Variants in KCNG1 observed in about 807,000 individuals in gnomAD.
KCNG1 encodes the protein potassium voltage-gated channel modifier subfamily G member 1, also known as voltage-gated potassium channel regulatory subunit KCNG1.
A neutral mutation model predicts 32.4 loss-of-function variants in KCNG1; 17 were observed. The observed-to-expected ratio is 0.52, with a 90% CI of 0.36 to 0.79. KCNG1 has a LOEUF of 0.79. Ranked by LOEUF, KCNG1 falls within the 30% of genes least tolerant of loss-of-function variation. The pLI, the probability that KCNG1 is intolerant of heterozygous loss-of-function variation, is 0.00. For synonymous variants in KCNG1, 358 were observed against 339.9 expected, an observed-to-expected ratio of 1.05 and a Z score of -0.59; for missense variants, 441 against 735.2, an observed-to-expected ratio of 0.60 and a Z score of 4.63.
intron 1 of KCNG1, among the ~76,000 whole-genome samples, chr20:51,019,451 TG>T (rs1365860890): frequency 6.6e-6 from 1 of 151,812 alleles, no homozygotes; most frequent in Admixed American, 6.6e-5. Flanking sequence ...GTCAAGGCTG[TG>T]GTGGGCCATG....
chr20:51,008,916 G>C (rs1474632360), intron 2 of KCNG1, among the ~76,000 whole-genome samples: 2 of 152,198 alleles, frequency 1.3e-5, no homozygotes, highest in East Asian at 3.8e-4. Context: ...TCCCTAGGGA[G>C]ATAAGACGTA....
chr20:51,011,196 T>G (rs1988079109), intron 1 of KCNG1, among the ~76,000 whole-genome samples: 1 of 152,222 alleles, frequency 6.6e-6, no homozygotes, highest in Non-Finnish European at 1.5e-5. Context: ...GCCTTCACAA[T>G]TCTCCCATAT....
intron 1 of KCNG1, 67 bp downstream of exon 1, chr20:51,022,803 T>C (rs1382644830): frequency 2.6e-5 from 4 of 152,216 alleles, no homozygotes; most frequent in Non-Finnish European, 2.9e-5. Context: ...AGCCCGAGTT[T>C]GCAGGCTCGG....
In KCNG1 at chr20:51,003,887, G is replaced by A. The variant is rs907504148; in HGVS notation, c.*152C>T. The A allele has an allele frequency of 4.0e-6, 3 of 754,732 alleles. No homozygotes were observed. The highest frequency in any genetic ancestry group is 6.3e-6 in the Non-Finnish European group (3 of 475,690). 46.8% of individuals were successfully genotyped at this position (754,732 alleles called of 1,614,324 possible). A position where few individuals can be genotyped will look rare whatever the true frequency, so the allele number is the denominator to read the frequency against. On this transcript the variant is annotated 3_prime_UTR_variant, in exon 3 of 3. Transcript: ENST00000371571. ...GATGTTCTAGTGTTCTTCCCGGGGT[G>A]TGGGAGTGAGGGTGTCCTTCCCCGG...
In KCNG1 at chr20:51,023,036, C is replaced by G. The variant is rs1347821990; in HGVS notation, c.-193G>C. The G allele has an allele frequency of 2.0e-5, 3 of 152,182 alleles. No homozygotes were observed. Among genetic ancestry groups the G allele is most frequent in the Non-Finnish European group, 4.4e-5 (3 of 68,056 alleles). The allele number at this position is 152,182 out of a possible 1,614,324, so 9.4% of individuals were successfully genotyped here. On this transcript the variant is annotated 5_prime_UTR_variant, in exon 1 of 3. Transcript: ENST00000371571. ...GCCGCCAAACTTCGGTCCCGGGGCC[C>G]GGCTCAGCTCCCGCCCTCGGAGCCA...
intron 1 of KCNG1, chr20:51,012,297 C>G (rs1248975667): frequency 6.6e-6 from 1 of 152,268 alleles, no homozygotes; most frequent in Non-Finnish European, 1.5e-5. Context: ...TTCCTTGGCT[C>G]TTCCAGCTAA....
chr20:51,020,653 C>G (rs983577506), intron 1 of KCNG1, among the ~76,000 whole-genome samples: 3 of 152,094 alleles, frequency 2.0e-5, no homozygotes, highest in African/African-American at 7.2e-5. Context: ...AATGCAACAA[C>G]CAAGGGTAGA....
intron 2 of KCNG1, 90 bp downstream of exon 2, chr20:51,009,475 C>T: frequency 7.2e-7 from 1 of 1,384,912 alleles, no homozygotes. Flanking sequence ...AGCCAGTGTG[C>T]AATCAGAGGA....
chr20:51,006,127 A>G (rs1239415908), intron 2 of KCNG1: 6 of 152,166 alleles, frequency 3.9e-5, no homozygotes, highest in Non-Finnish European at 7.3e-5. Flanking sequence ...AGGTTGGAAG[A>G]CTTGTCCTGG....
intron 1 of KCNG1, among the ~76,000 whole-genome samples, chr20:51,018,611 G>A (rs1162288838): frequency 6.6e-6 from 1 of 152,172 alleles, no homozygotes; most frequent in East Asian, 1.9e-4. Context: ...AGCAACCACA[G>A]CCTCCCTCCA....
chr20:51,011,311 T>A (rs773831877), intron 1 of KCNG1, among the ~76,000 whole-genome samples: 4 of 152,234 alleles, frequency 2.6e-5, no homozygotes, highest in Non-Finnish European at 5.9e-5. Flanking sequence ...GTACTGTTAT[T>A]TACTTAACAT....
Position 51,010,148 on chromosome 20 carries a change from C to T in KCNG1, c.191G>A (p.Arg64Gln), listed in dbSNP as rs775466736. ...QGCQPEDRRR[R>Q]IIINVGGIKY... ...GATGCCGCCTACGTTGATGATGATC[C>T]GACGGCGGCGGTCCTCGGGCTGACA... Residue 64 changes from arginine (R) to glutamine (Q), a missense_variant, in exon 2 of 3, where the codon CGG becomes CAG. By Grantham distance (43) the Arg-to-Gln change is conservative. Around this residue, in one of 6 missense-constraint regions of KCNG1, gnomAD observed 85 missense variants for 98.2 expected, o/e 0.87. Coordinates refer to ENST00000371571, the MANE Select transcript of KCNG1 (RefSeq NM_002237.4). 11 of 1,611,082 alleles carry T rather than the reference C, an allele frequency of 6.8e-6. 1 individual carries two copies. The East Asian group carries it at 1.1e-4, about 16-fold the overall frequency.
Position 51,023,039 on chromosome 20 carries a change from C to T in KCNG1, c.-196G>A, listed in dbSNP as rs1988539961. On this transcript the variant is annotated 5_prime_UTR_variant, in exon 1 of 3. Coordinates refer to ENST00000371571, the MANE Select transcript of KCNG1 (RefSeq NM_002237.4). ...GCCAAACTTCGGTCCCGGGGCCCGG[C>T]TCAGCTCCCGCCCTCGGAGCCACGG... 7 of 152,330 alleles carry T rather than the reference C, an allele frequency of 4.6e-5. No individual in the cohort carries two copies. 9.4% of individuals were successfully genotyped at this position (152,330 alleles called of 1,614,324 possible). A position where few individuals can be genotyped will look rare whatever the true frequency, so the allele number is the denominator to read the frequency against.
At chr20:51,009,366 A>G in intron 2 of KCNG1, 199 bp downstream of exon 2, 1 of 671,438 alleles carries the variant, frequency 1.5e-6, no homozygotes, top group South Asian at 1.9e-5. Flanking sequence ...AGGCCAGGAC[A>G]GGCACAGGCG....
At position 51,004,827 on chromosome 20, in the gene KCNG1, C is replaced by T. The variant is rs1166236233; in HGVS notation, c.775-21G>A. 6 of 1,525,252 alleles carry T rather than the reference C, an allele frequency of 3.9e-6. No homozygotes were observed. Among genetic ancestry groups the T allele is most frequent in the East Asian group, 2.3e-5 (1 of 42,778 alleles). The allele number at this position is 1,525,252 out of a possible 1,614,324, so 94.5% of individuals were successfully genotyped here. A position where few individuals can be genotyped will look rare whatever the true frequency, so the allele number is the denominator to read the frequency against. On this transcript the variant is annotated intron_variant, in intron 2 of 2. Transcript: ENST00000371571. This position sits in a 1 kb window ranked among gnomAD's most constrained non-coding sequence, Gnocchi z 4.3. ...TGGCCCTGGGAGAGAGGGGAAGGGACGCCGGAGGGGTCAGCGGGCCCTCCA... is the reference window on the plus strand; with the variant it reads ...TGGCCCTGGGAGAGAGGGGAAGGGATGCCGGAGGGGTCAGCGGGCCCTCCA...
intron 1 of KCNG1, among the ~76,000 whole-genome samples, chr20:51,022,396 G>T (rs1458892985): frequency 5.9e-5 from 9 of 152,298 alleles, no homozygotes; most frequent in Admixed American, 1.3e-4. Flanking sequence ...ATAAACGCTT[G>T]CTGTGTTCAT....
chr20:51,010,509 T>C, intron 1 of KCNG1, 145 bp from the exon 2 acceptor site: 1 of 626,848 alleles, frequency 1.6e-6, no homozygotes, highest in Non-Finnish European at 2.7e-6. Context: ...CTCAATGGGA[T>C]GGTATTAGGA....
At position 51,003,911 on chromosome 20, in the gene KCNG1, G is replaced by C; in HGVS notation, c.*128C>G. On this transcript the variant is annotated 3_prime_UTR_variant, in exon 3 of 3. Coordinates refer to ENST00000371571, the MANE Select transcript of KCNG1 (RefSeq NM_002237.4). Reference sequence around the variant, plus strand: ...TGTGGGAGTGAGGGTGTCCTTCCCCGGGTGCGTGGGAGTCGGTGCTGCGCC... The same window carrying C: ...TGTGGGAGTGAGGGTGTCCTTCCCCCGGTGCGTGGGAGTCGGTGCTGCGCC... 1 of 999,628 alleles carries C rather than the reference G, an allele frequency of 1.0e-6. No homozygotes were observed. Among genetic ancestry groups the C allele is most frequent in the Non-Finnish European group, 1.5e-6 (1 of 687,938 alleles). 61.9% of individuals were successfully genotyped at this position (999,628 alleles called of 1,614,324 possible).
rs1286889649 is a variant in KCNG1, at chr20:51,004,893, T to A, written c.775-87A>T. The A allele has an allele frequency of 4.4e-6, 6 of 1,356,794 alleles. No individual in the cohort carries two copies. Among genetic ancestry groups the A allele is most frequent in the Non-Finnish European group, 4.9e-6 (5 of 1,020,230 alleles). The allele number at this position is 1,356,794 out of a possible 1,614,324, so 84.0% of individuals were successfully genotyped here. Reference sequence around the variant, plus strand: ...AGCTCTGCCCTGTGCCCTGCTGGGCTTCCCAGGCGGAAGGTGACCTCTCCA... The same window carrying A: ...AGCTCTGCCCTGTGCCCTGCTGGGCATCCCAGGCGGAAGGTGACCTCTCCA... On this transcript the variant is annotated intron_variant, in intron 2 of 2. Coordinates refer to ENST00000371571, the MANE Select transcript of KCNG1 (RefSeq NM_002237.4). This position sits in a 1 kb window ranked among gnomAD's most constrained non-coding sequence, Gnocchi z 4.3.
Sources: allele counts gnomAD v4.1 joint callset (sites outside exome capture counted in the v4.1 genomes callset), GRCh38; gene constraint gnomAD v4.1.1; regional missense constraint gnomAD v4.1.1; non-coding constraint Gnocchi (gnomAD v3.1); transcripts MANE v1.5; gene names NCBI Gene and HGNC (gene_info 2026-07-23, HGNC 2026-07-21).